The following KCND2 variants were observed in gnomAD, a reference collection of about 807,000 sequenced individuals.
The protein encoded by KCND2 is A-type voltage-gated potassium channel KCND2.
In KCND2, 16 loss-of-function variants were observed where a neutral mutation model predicts 54.4. The observed-to-expected ratio is 0.29, with a 90% CI of 0.20 to 0.45. KCND2 has a LOEUF of 0.45. KCND2 is among the 20% of genes least tolerant of loss of function. KCND2 has a pLI of 1.00. For missense variants in KCND2, 486 were observed against 824.2 expected, an observed-to-expected ratio of 0.59 and a Z score of 5.02; for synonymous variants, 317 against 310.7, an observed-to-expected ratio of 1.02 and a Z score of -0.21.
intron 1 of KCND2, among the ~76,000 whole-genome samples, chr7:120,526,240 T>A (rs1791772584): frequency 6.6e-6 from 1 of 152,126 alleles, no homozygotes; most frequent in Non-Finnish European, 1.5e-5. Context: ...CTATTTTGAT[T>A]TTGCATTTTA....
chr7:120,749,789 A>G lies in KCND2; in HGVS notation c.*1931A>G, dbSNP rs1391421773. On this transcript the variant is annotated 3_prime_UTR_variant, in exon 6 of 6. Transcript: ENST00000331113. ...TCCAGCAGTACAAATATTAACAATT[A>G]TATTAACACCTGCCTCATGTCAGTT... is the stretch of plus-strand genomic sequence containing the variant. The G allele has an allele frequency of 2.0e-5, 3 of 152,176 alleles. No individual in the cohort carries two copies. Among genetic ancestry groups the G allele is most frequent in the Admixed American group, 1.3e-4 (2 of 15,220 alleles). 9.4% of individuals were successfully genotyped at this position (152,176 alleles called of 1,614,324 possible).
Position 120,444,877 on chromosome 7 carries a change from C to T in KCND2, c.1115+169130C>T, listed in dbSNP as rs180764577. Among the ~76,000 whole-genome samples the T allele has an allele frequency of 4.4e-3, 670 of 152,168 alleles. 1 individual carries two copies. The highest frequency in any genetic ancestry group is 7.5e-3 in the Non-Finnish European group (507 of 67,962). On this transcript the variant is annotated intron_variant, in intron 1 of 5. Transcript: ENST00000331113. ...AATTCCCATTAACATCAATGAAATT[C>T]ATATGGTAAAATTAACACTTACCTC...
intron 1 of KCND2, among the ~76,000 whole-genome samples, chr7:120,601,529 A>T (rs1010601540): frequency 6.6e-6 from 1 of 152,232 alleles, no homozygotes; most frequent in Non-Finnish European, 1.5e-5. Context: ...ATGTAGGTCA[A>T]TGGTTGTAAA....
chr7:120,586,921 A>G (rs1792607793), intron 1 of KCND2, among the ~76,000 whole-genome samples: 1 of 152,122 alleles, frequency 6.6e-6, no homozygotes, highest in African/African-American at 2.4e-5. Context: ...AAAGCCCCCA[A>G]AGTAACGAAT....
intron 1 of KCND2, among the ~76,000 whole-genome samples, chr7:120,457,749 A>C (rs1362142893): frequency 2.6e-5 from 4 of 152,090 alleles, no homozygotes; most frequent in Non-Finnish European, 5.9e-5. Context: ...AGACTGTTCC[A>C]ACCTCTGCCT....
At chr7:120,621,015 T>C (rs10239325) in intron 1 of KCND2, among the ~76,000 whole-genome samples, 45,841 of 151,748 alleles carry the variant, frequency 0.3, 8,977 homozygotes, top group African/African-American at 0.55. Flanking sequence ...TGGCTCACAC[T>C]TGTAATCCCA....
At chr7:120,494,595 G>A (rs1802825138) in intron 1 of KCND2, among the ~76,000 whole-genome samples, 1 of 152,004 alleles carries the variant, frequency 6.6e-6, no homozygotes, top group African/African-American at 2.4e-5. Flanking sequence ...TCTAGAAAAA[G>A]CCTCTTTAAA....
At chr7:120,445,701 G>C (rs1464447514) in intron 1 of KCND2, among the ~76,000 whole-genome samples, 2 of 151,962 alleles carry the variant, frequency 1.3e-5, no homozygotes, top group African/African-American at 4.8e-5. Flanking sequence ...TAAACCAACA[G>C]TTATCACACT....
chr7:120,403,894 TA>T (rs1051941346), intron 1 of KCND2, among the ~76,000 whole-genome samples: 7 of 152,116 alleles, frequency 4.6e-5, no homozygotes, highest in Non-Finnish European at 1.0e-4. Flanking sequence ...AAGATTTTTT[TA>T]AAAGAATCTC....
intron 1 of KCND2, among the ~76,000 whole-genome samples, chr7:120,691,767 A>G (rs563989366): frequency 7.9e-5 from 12 of 152,296 alleles, no homozygotes; most frequent in African/African-American, 2.9e-4. Context: ...CAAGGGAAGG[A>G]GTGTGAATAT....
intron 2 of KCND2, among the ~76,000 whole-genome samples, chr7:120,736,886 A>C (rs1306999792): frequency 6.6e-6 from 1 of 151,850 alleles, no homozygotes; most frequent in African/African-American, 2.4e-5. Flanking sequence ...TGCAGTGAGA[A>C]GTTTAGAATC....
chr7:120,343,823 G>A lies in KCND2; in HGVS notation c.1115+68076G>A, dbSNP rs1279756360. On this transcript the variant is annotated intron_variant, in intron 1 of 5. Transcript: ENST00000331113. ...CTATTTTCACATGATATTCAGGGTT[G>A]CTTCTGTTTATGGAAAGCACTATAT... is the stretch of plus-strand genomic sequence containing the variant. 3.3e-5 allele frequency among the ~76,000 whole-genome samples: 5 copies of A among 152,124 alleles called. No individual in the cohort carries two copies. In the East Asian group the frequency reaches 7.7e-4, roughly 23 times the overall value.
intron 1 of KCND2, among the ~76,000 whole-genome samples, chr7:120,489,090 A>C (rs2116295723): frequency 6.6e-6 from 1 of 152,234 alleles, no homozygotes; most frequent in South Asian, 2.1e-4. Flanking sequence ...TCTGTATGTT[A>C]AACATGGGCC....
chr7:120,534,317 ACCTCCTTACCTACCTAAC>A (rs1313148296), intron 1 of KCND2, among the ~76,000 whole-genome samples: 1 of 152,030 alleles, frequency 6.6e-6, no homozygotes, highest in Non-Finnish European at 1.5e-5. Flanking sequence ...AATAATACTT[ACCTCCTTACCTACCTAAC>A]CCTCCTTACC....
At chr7:120,460,845 G>A (rs766242112) in intron 1 of KCND2, among the ~76,000 whole-genome samples, 1 of 151,976 alleles carries the variant, frequency 6.6e-6, no homozygotes, top group South Asian at 2.1e-4. Flanking sequence ...TAAGAGGCTT[G>A]GCACACTTCT....
rs1053291082 is a variant in KCND2 at position 120,440,033 on chromosome 7, C to G, written c.1115+164286C>G. Among the ~76,000 whole-genome samples, 4 of 152,056 alleles carry G rather than the reference C, an allele frequency of 2.6e-5. No individual in the cohort carries two copies. The East Asian group carries it at 7.7e-4, about 29-fold the overall frequency. ...ATATCCAGGAGCACGATTGCTGGAT[C>G]ATATGGCAGTTCTATTTTTAATTTT... is the stretch of plus-strand genomic sequence containing the variant. On this transcript the variant is annotated intron_variant, in intron 1 of 5. Transcript: ENST00000331113.
intron 1 of KCND2, among the ~76,000 whole-genome samples, chr7:120,553,461 T>G (rs1344518511): frequency 6.6e-6 from 1 of 152,220 alleles, no homozygotes; most frequent in Non-Finnish European, 1.5e-5. Context: ...AAAATCTTGG[T>G]TATTGTGAAT....
At chr7:120,311,902 AT>A (rs905997778) in intron 1 of KCND2, among the ~76,000 whole-genome samples, 1 of 151,658 alleles carries the variant, frequency 6.6e-6, no homozygotes. Context: ...CATGGTCTCA[AT>A]TTTTTTCTTT....
chr7:120,540,086 G>A (rs757588970), intron 1 of KCND2, among the ~76,000 whole-genome samples: 2 of 151,996 alleles, frequency 1.3e-5, no homozygotes, highest in African/African-American at 4.8e-5. Context: ...TTGTGGTGAC[G>A]GGGTCTTAAC....
Sources: allele counts gnomAD v4.1 joint callset (sites outside exome capture counted in the v4.1 genomes callset), GRCh38; gene constraint gnomAD v4.1.1; transcripts MANE v1.5; gene names NCBI Gene and HGNC (gene_info 2026-07-23, HGNC 2026-07-21).